Variants in TBXAS1 observed in about 807,000 individuals in gnomAD.
The protein encoded by TBXAS1 is thromboxane-A synthase.
TBXAS1 carries 48 observed loss-of-function variants against 60.7 expected under a neutral mutation model. That is an observed-to-expected ratio of 0.79 (90% CI 0.63 to 1.01). TBXAS1 has a LOEUF of 1.01. Among genes scored for constraint, TBXAS1 ranks in the 50% least tolerant of loss-of-function variants. TBXAS1 has a pLI of 0.00. For missense variants in TBXAS1, 685 were observed against 686.3 expected, an observed-to-expected ratio of 1.00 and a Z score of 0.02; for synonymous variants, 287 against 269.7, an observed-to-expected ratio of 1.06 and a Z score of -0.63.
At chr7:139,947,640 T>C (rs929772712) in intron 5 of TBXAS1, among the ~76,000 whole-genome samples, 1 of 152,186 alleles carries the variant, frequency 6.6e-6, no homozygotes, top group Non-Finnish European at 1.5e-5. Flanking sequence ...CTTGGGGAAT[T>C]TGCTTCCCAG....
intron 4 of TBXAS1, among the ~76,000 whole-genome samples, chr7:139,930,258 T>C (rs1328388259): frequency 6.6e-6 from 1 of 152,226 alleles, no homozygotes; most frequent in African/African-American, 2.4e-5. Flanking sequence ...GTATTTCTCA[T>C]GCTTATTGTC....
intron 3 of TBXAS1, among the ~76,000 whole-genome samples, chr7:139,889,202 T>C (rs917894773): frequency 6.6e-6 from 1 of 151,584 alleles, no homozygotes; most frequent in Non-Finnish European, 1.5e-5. Context: ...TGTGGTGGCA[T>C]GTGCGCCTGT....
intron 10 of TBXAS1, among the ~76,000 whole-genome samples, chr7:140,009,042 ACTC>A (rs1444830991): frequency 6.6e-6 from 1 of 152,182 alleles, no homozygotes; most frequent in Admixed American, 6.5e-5. Context: ...CTGGACCTAA[ACTC>A]AGCCACGAAT....
intron 10 of TBXAS1, among the ~76,000 whole-genome samples, chr7:140,011,329 GAATA>G (rs1814596948): frequency 1.6e-5 from 1 of 61,672 alleles, no homozygotes; most frequent in Non-Finnish European, 2.9e-5. Context: ...AAACAATGAA[GAATA>G]AAAAAAAAAG....
intron 3 of TBXAS1, chr7:139,906,203 G>A: frequency 4.4e-6 from 1 of 227,978 alleles, no homozygotes; most frequent in South Asian, 4.2e-5. Flanking sequence ...CTACAGGTAT[G>A]TGCCACCATG....
At chr7:139,979,239 C>T (rs531986573) in intron 9 of TBXAS1, among the ~76,000 whole-genome samples, 4 of 152,296 alleles carry the variant, frequency 2.6e-5, no homozygotes, top group South Asian at 4.1e-4. Context: ...GTCATTTCTC[C>T]TCTCTAGGGT....
intron 1 of TBXAS1, among the ~76,000 whole-genome samples, chr7:139,859,904 C>T (rs375918525): frequency 1.1e-4 from 17 of 152,152 alleles, no homozygotes; most frequent in East Asian, 9.7e-4. Flanking sequence ...TTTGGGAGGC[C>T]GAGGTGGGTG....
chr7:139,802,198 T>C (rs1797739583), intron 4 of TBXAS1, among the ~76,000 whole-genome samples: 2 of 152,374 alleles, frequency 1.3e-5, no homozygotes, highest in African/African-American at 2.4e-5. Flanking sequence ...TTTTAAGTGT[T>C]GTTCAAATGT....
chr7:139,973,478 C>T (rs1811355262), intron 9 of TBXAS1, among the ~76,000 whole-genome samples: 2 of 151,966 alleles, frequency 1.3e-5, no homozygotes, highest in African/African-American at 4.8e-5. Context: ...CCAGACACTC[C>T]TTTAACCCTA....
intron 9 of TBXAS1, among the ~76,000 whole-genome samples, chr7:139,966,393 C>A (rs992372986): frequency 6.6e-6 from 1 of 152,126 alleles, no homozygotes; most frequent in Non-Finnish European, 1.5e-5. Flanking sequence ...TTTACTGACC[C>A]CTATAACTGA....
At chr7:139,911,578 A>G (rs975139393) in intron 4 of TBXAS1, among the ~76,000 whole-genome samples, 1 of 152,196 alleles carries the variant, frequency 6.6e-6, no homozygotes, top group African/African-American at 2.4e-5. Flanking sequence ...AAATGCTAAA[A>G]CCAAGAGGGT....
At chr7:139,881,606 A>ATATC (rs1376979843) in intron 3 of TBXAS1, among the ~76,000 whole-genome samples, 1 of 152,180 alleles carries the variant, frequency 6.6e-6, no homozygotes, top group Non-Finnish European at 1.5e-5. Context: ...GCTGCACTGA[A>ATATC]TATCCTCGTT....
At chr7:139,922,925 G>A (rs1806589121) in intron 4 of TBXAS1, among the ~76,000 whole-genome samples, 1 of 152,212 alleles carries the variant, frequency 6.6e-6, no homozygotes. Context: ...GAGATCATAT[G>A]TGTGAGTCTA....
rs13246458 is a variant in TBXAS1, at chr7:139,865,606, G to A, written c.90-6629G>A. On this transcript the variant is annotated intron_variant, in intron 1 of 12. Transcript: ENST00000448866. ...GAAGAAGGAGGAGGAGGAGGAGGAA[G>A]AGGAGGAGGAGGAAGAGGAGGAGGA... Among the ~76,000 whole-genome samples, 3 of 98,166 alleles carry A rather than the reference G, an allele frequency of 3.1e-5. No individual in the cohort carries two copies. The East Asian group carries it at 9.1e-4, about 30-fold the overall frequency. 64.4% of individuals were successfully genotyped at this position (98,166 alleles called of 152,430 possible). A position where few individuals can be genotyped will look rare whatever the true frequency, so the allele number is the denominator to read the frequency against.
intron 1 of TBXAS1, among the ~76,000 whole-genome samples, chr7:139,868,203 G>A (rs933554884): frequency 6.6e-6 from 1 of 152,174 alleles, no homozygotes; most frequent in East Asian, 1.9e-4. Context: ...CATGGTGATC[G>A]TCTGATCATT....
chr7:139,953,642 C>A, intron 6 of TBXAS1, 186 bp downstream of exon 6: 1 of 604,040 alleles, frequency 1.7e-6, no homozygotes, highest in Non-Finnish European at 2.9e-6. Context: ...GAGATGTGAG[C>A]AGAGCCAGGG....
intron 2 of TBXAS1, among the ~76,000 whole-genome samples, chr7:139,781,099 A>G (rs963691151): frequency 1.3e-5 from 2 of 152,266 alleles, no homozygotes; most frequent in Non-Finnish European, 2.9e-5. Context: ...ATGGAGCCAT[A>G]CAGACAGAGG....
chr7:139,889,652 G>C (rs1041187903), intron 3 of TBXAS1, among the ~76,000 whole-genome samples: 2 of 152,152 alleles, frequency 1.3e-5, no homozygotes, highest in African/African-American at 4.8e-5. Context: ...TGTCTGGTGA[G>C]GGCTCACTTT....
intron 4 of TBXAS1, among the ~76,000 whole-genome samples, chr7:139,793,978 A>G (rs1797471567): frequency 6.6e-6 from 1 of 152,236 alleles, no homozygotes; most frequent in African/African-American, 2.4e-5. Flanking sequence ...AAGAAGTGGC[A>G]AAGAGAATGA....
Sources: gnomAD v4.1 joint callset for allele counts (sites outside exome capture counted in the v4.1 genomes callset) on GRCh38, gnomAD v4.1.1 for gene constraint, MANE v1.5 for transcripts, NCBI Gene and HGNC (gene_info 2026-07-23, HGNC 2026-07-21) for gene names.